Variants in PCDH15 observed in about 807,000 individuals in gnomAD.
The protein encoded by PCDH15 is protocadherin related 15.
In PCDH15, 129 loss-of-function variants were observed where a neutral mutation model predicts 178.5. The ratio of observed to expected loss-of-function variants is 0.72; its 90% CI spans 0.63 to 0.84. PCDH15 has a LOEUF of 0.84. Ranked by LOEUF, PCDH15 falls within the 40% of genes least tolerant of loss-of-function variation. PCDH15 has a pLI of 0.00. For missense variants in PCDH15, 2,230 were observed against 2,099.9 expected, an observed-to-expected ratio of 1.06 and a Z score of -1.21; for synonymous variants, 800 against 732.0, an observed-to-expected ratio of 1.09 and a Z score of -1.50.
At chr10:54,751,913 T>C (rs1946282569) in intron 1 of PCDH15, among the ~76,000 whole-genome samples, 1 of 152,172 alleles carries the variant, frequency 6.6e-6, no homozygotes, top group Non-Finnish European at 1.5e-5. Flanking sequence ...TATACTGCCA[T>C]TTAATGCTAT....
chr10:54,492,860 TG>T (rs1357220606), intron 3 of PCDH15, among the ~76,000 whole-genome samples: 1 of 152,134 alleles, frequency 6.6e-6, no homozygotes, highest in African/African-American at 2.4e-5. Context: ...AAGACATACC[TG>T]AGACTGGGCG....
intron 17 of PCDH15, among the ~76,000 whole-genome samples, chr10:54,074,854 G>A (rs1338571325): frequency 1.3e-5 from 2 of 152,010 alleles, no homozygotes; most frequent in Non-Finnish European, 2.9e-5. Context: ...TCATCAACAT[G>A]TTATGTTGTT....
chr10:55,411,845 G>A (rs190806383), intron 2 of PCDH15, among the ~76,000 whole-genome samples: 1 of 151,892 alleles, frequency 6.6e-6, no homozygotes, highest in East Asian at 1.9e-4. Flanking sequence ...CCTGCAGTTA[G>A]GTAAACTATA....
At chr10:54,869,543 T>A (rs953016362) in intron 3 of PCDH15, among the ~76,000 whole-genome samples, 1 of 152,196 alleles carries the variant, frequency 6.6e-6, no homozygotes, top group Non-Finnish European at 1.5e-5. Context: ...TAGGCTTATA[T>A]CTCAGAACCA....
intron 26 of PCDH15, among the ~76,000 whole-genome samples, chr10:53,890,996 T>G: frequency 6.6e-6 from 1 of 152,200 alleles, no homozygotes; most frequent in Non-Finnish European, 1.5e-5. Context: ...CTCTTGTACT[T>G]TACCGTTCTT....
At chr10:53,979,252 C>T (rs2090430511) in intron 21 of PCDH15, among the ~76,000 whole-genome samples, 1 of 152,150 alleles carries the variant, frequency 6.6e-6, no homozygotes, top group Non-Finnish European at 1.5e-5. Context: ...ACATACAAGA[C>T]ATCCTTCTTC....
intron 2 of PCDH15, among the ~76,000 whole-genome samples, chr10:54,546,448 T>A (rs1290857696): frequency 6.6e-6 from 1 of 152,128 alleles, no homozygotes; most frequent in African/African-American, 2.4e-5. Context: ...TTATTAGTGA[T>A]TTCTTATTGA....
chr10:54,914,321 T>C (rs1169239470), intron 2 of PCDH15, among the ~76,000 whole-genome samples: 1 of 152,136 alleles, frequency 6.6e-6, no homozygotes, highest in East Asian at 1.9e-4. Context: ...CTGTTTGCTC[T>C]CTCTTTTTCC....
intron 37 of PCDH15, chr10:53,809,281 T>A (rs762141155): frequency 6.2e-7 from 1 of 1,614,000 alleles, no homozygotes; most frequent in Admixed American, 1.7e-5. Context: ...TTCTGTTGCT[T>A]CCTCTTGGTC....
At chr10:54,117,465 C>T (rs4272708) in intron 15 of PCDH15, among the ~76,000 whole-genome samples, 112,470 of 151,948 alleles carry the variant, frequency 0.74, 42,541 homozygotes, top group East Asian at 0.99. Flanking sequence ...TCTCTCCTTC[C>T]TGTTGTCTGC....
At chr10:53,924,034 C>T (rs917631790) in intron 25 of PCDH15, among the ~76,000 whole-genome samples, 5 of 152,174 alleles carry the variant, frequency 3.3e-5, no homozygotes, top group Admixed American at 6.5e-5. Flanking sequence ...CCCTCGCAGC[C>T]CTCGCTTGAT....
intron 10 of PCDH15, among the ~76,000 whole-genome samples, chr10:54,196,672 A>G (rs898740720): frequency 6.6e-6 from 1 of 152,122 alleles, no homozygotes; most frequent in Non-Finnish European, 1.5e-5. Flanking sequence ...GTACCCCCCA[A>G]ATTCGTAAGT....
intron 1 of PCDH15, among the ~76,000 whole-genome samples, chr10:54,668,180 C>T (rs571620246): frequency 6.6e-6 from 1 of 152,026 alleles, no homozygotes; most frequent in East Asian, 1.9e-4. Context: ...CTCTTCTAGG[C>T]AGTTGGAAAA....
intron 2 of PCDH15, among the ~76,000 whole-genome samples, chr10:55,445,521 A>G (rs979526448): frequency 2.6e-5 from 4 of 152,152 alleles, no homozygotes; most frequent in African/African-American, 9.7e-5. Flanking sequence ...AGCCCATACT[A>G]CATAAAACAA....
intron 3 of PCDH15, among the ~76,000 whole-genome samples, chr10:54,465,646 T>C (rs1037443645): frequency 1.3e-5 from 2 of 152,068 alleles, no homozygotes; most frequent in African/African-American, 4.8e-5. Flanking sequence ...TGTTGGTTGA[T>C]GGACACTTAA....
At chr10:53,808,326 GTGTGTATA>G (rs1236187130) in intron 37 of PCDH15, 985 of 451,480 alleles carry the variant, frequency 2.2e-3, no homozygotes, top group Middle Eastern at 4.6e-3. Flanking sequence ...TATAGTGTGT[GTGTGTATA>G]TATATATATA....
At chr10:54,122,802 A>T (rs1315276508) in intron 15 of PCDH15, among the ~76,000 whole-genome samples, 2 of 152,072 alleles carry the variant, frequency 1.3e-5, no homozygotes, top group East Asian at 3.9e-4. Flanking sequence ...GCCACAAAAG[A>T]AGTAAAATAC....
chr10:54,632,153 C>G (rs983798557), intron 2 of PCDH15, among the ~76,000 whole-genome samples: 1 of 151,758 alleles, frequency 6.6e-6, no homozygotes, highest in African/African-American at 2.4e-5. Context: ...AGCTGGAGAC[C>G]ATTATCCTAA....
intron 2 of PCDH15, among the ~76,000 whole-genome samples, chr10:54,941,560 G>A (rs1838063635): frequency 6.6e-6 from 1 of 152,016 alleles, no homozygotes; most frequent in Non-Finnish European, 1.5e-5. Context: ...ATACTTTGAA[G>A]ATTTGTCTGC....
Sources: gnomAD v4.1 joint callset for allele counts (sites outside exome capture counted in the v4.1 genomes callset) on GRCh38, gnomAD v4.1.1 for gene constraint, MANE v1.5 for transcripts, NCBI Gene and HGNC (gene_info 2026-07-23, HGNC 2026-07-21) for gene names.